Variants in SYTL3 observed in about 807,000 individuals in gnomAD.
SYTL3 encodes synaptotagmin like 3, also known as synaptotagmin-like protein 3.
In SYTL3, 88 loss-of-function variants were observed where a neutral mutation model predicts 82.1. The ratio of observed to expected loss-of-function variants is 1.07; its 90% CI spans 0.90 to 1.28. The LOEUF (loss-of-function observed/expected upper bound fraction) is 1.28, where lower values mean the gene tolerates loss of function less well. SYTL3 is among the 50% of genes most tolerant of loss of function. The pLI, the probability that SYTL3 is intolerant of heterozygous loss-of-function variation, is 0.00. For missense variants in SYTL3, 831 were observed against 757.6 expected, an observed-to-expected ratio of 1.10 and a Z score of -1.14; for synonymous variants, 311 against 289.4, an observed-to-expected ratio of 1.07 and a Z score of -0.76.
chr6:158,668,737 A>G (rs1328000980), intron 5 of SYTL3, among the ~76,000 whole-genome samples: 1 of 152,154 alleles, frequency 6.6e-6, no homozygotes, highest in Non-Finnish European at 1.5e-5. Context: ...GCTGGTGGCA[A>G]TAGTGATGGA....
At chr6:158,726,502 C>T in intron 11 of SYTL3, 1 of 182,764 alleles carries the variant, frequency 5.5e-6, no homozygotes, top group Non-Finnish European at 1.2e-5. Context: ...ATTGATAATT[C>T]TGGTGTTTCC....
At chr6:158,660,500 A>G (rs1789259481) in intron 2 of SYTL3, among the ~76,000 whole-genome samples, 1 of 152,210 alleles carries the variant, frequency 6.6e-6, no homozygotes, top group African/African-American at 2.4e-5. Context: ...TTGGGAAAGT[A>G]AGTGTAGTGC....
chr6:158,665,858 C>T (rs1423061489), intron 5 of SYTL3, among the ~76,000 whole-genome samples: 2 of 152,074 alleles, frequency 1.3e-5, no homozygotes, highest in African/African-American at 4.8e-5. Context: ...GACCGTAATC[C>T]TAGCATTTTG....
At chr6:158,645,647 AC>A (rs1787392058), upstream of SYTL3, among the ~76,000 whole-genome samples, 1 of 152,088 alleles carries the variant, frequency 6.6e-6, no homozygotes, top group South Asian at 2.1e-4. Context: ...TATGCTCGGG[AC>A]CCCAGTTAAA....
At chr6:158,757,454 A>G (rs755591728) in intron 14 of SYTL3, 73 bp downstream of exon 14, 16 of 1,519,326 alleles carry the variant, frequency 1.1e-5, no homozygotes, top group Admixed American at 7.4e-5. Flanking sequence ...GAGAGATCCC[A>G]GAAGAGAAAA....
chr6:158,760,787 T>C, intron 15 of SYTL3, 42 bp downstream of exon 15: 3 of 1,491,160 alleles, frequency 2.0e-6, no homozygotes, highest in Non-Finnish European at 2.8e-6. Context: ...TGTGTCATTG[T>C]CTGCAGAGCC....
chr6:158,680,374 C>G (rs1778523917), intron 5 of SYTL3, among the ~76,000 whole-genome samples: 1 of 152,120 alleles, frequency 6.6e-6, no homozygotes, highest in African/African-American at 2.4e-5. Flanking sequence ...TTTTCCCTGT[C>G]TTTGTAGAGA....
chr6:158,685,598 C>G (rs976853290), intron 6 of SYTL3, among the ~76,000 whole-genome samples: 1 of 152,068 alleles, frequency 6.6e-6, no homozygotes, highest in Admixed American at 6.5e-5. Context: ...GTGGGCAGAT[C>G]ATCTGAGATT....
At chr6:158,718,332 T>A in intron 10 of SYTL3, 121 bp downstream of exon 10, 2 of 1,189,976 alleles carry the variant, frequency 1.7e-6, no homozygotes, top group Non-Finnish European at 2.2e-6. Context: ...CAGTAAGCCA[T>A]CAGAAAAACA....
At chr6:158,692,240 A>AT in intron 6 of SYTL3, among the ~76,000 whole-genome samples, 1 of 120,960 alleles carries the variant, frequency 8.3e-6, no homozygotes, top group Middle Eastern at 4.7e-3. Flanking sequence ...CCTGGGCGAC[A>AT]GAGCGAGACT....
chr6:158,734,627 C>T (rs529655524), intron 11 of SYTL3, among the ~76,000 whole-genome samples: 1 of 152,136 alleles, frequency 6.6e-6, no homozygotes, highest in South Asian at 2.1e-4. Context: ...GCCACCTTCT[C>T]AGGGAGCTCC....
intron 6 of SYTL3, among the ~76,000 whole-genome samples, chr6:158,690,740 C>T: frequency 6.6e-6 from 1 of 151,974 alleles, no homozygotes. Context: ...CCTAAAATTT[C>T]ATAACTGGAT....
At chr6:158,700,237 CAA>C (rs1330935693) in intron 6 of SYTL3, among the ~76,000 whole-genome samples, 1 of 152,090 alleles carries the variant, frequency 6.6e-6, no homozygotes, top group East Asian at 1.9e-4. Flanking sequence ...GCCTGGGCAA[CAA>C]GAGCGAAACT....
intron 6 of SYTL3, 23 bp from the exon 7 acceptor site, chr6:158,707,207 C>G (rs750153707): frequency 1.2e-6 from 2 of 1,612,590 alleles, no homozygotes; most frequent in African/African-American, 1.3e-5. Flanking sequence ...ATAATAAACG[C>G]CCTCTATGGA....
intron 9 of SYTL3, among the ~76,000 whole-genome samples, chr6:158,714,818 A>G (rs934518961): frequency 3.9e-5 from 6 of 152,170 alleles, no homozygotes; most frequent in Non-Finnish European, 8.8e-5. Flanking sequence ...TGGCTCTGAG[A>G]CAGTCTCTTT....
At chr6:158,738,062 G>A (rs2128500361) in intron 11 of SYTL3, among the ~76,000 whole-genome samples, 1 of 152,286 alleles carries the variant, frequency 6.6e-6, no homozygotes, top group South Asian at 2.1e-4. Flanking sequence ...AAGCGCAGCT[G>A]TGCCCTTTCT....
At chr6:158,708,729 T>C (rs867435681) in intron 8 of SYTL3, among the ~76,000 whole-genome samples, 20 of 151,092 alleles carry the variant, frequency 1.3e-4, no homozygotes, top group South Asian at 2.1e-4. Flanking sequence ...GGAAATAAGA[T>C]TGGTTAACGT....
At position 158,753,921 on chromosome 6, in the gene SYTL3, A is replaced by T. The variant is rs1164772468; in HGVS notation, c.1137+1891A>T. 1.7e-4 allele frequency among the ~76,000 whole-genome samples: 26 copies of T among 151,970 alleles called. 1 individual carries two copies. The East Asian group carries it at 1.7e-3, about 10-fold the overall frequency. On this transcript the variant is annotated intron_variant, in intron 13 of 17. Transcript: ENST00000611299. ...TAATCGGCATCTCTAATTGATCCTA[A>T]ATGCAAAATAACCCAACACCGGCCA...
At position 158,761,959 on chromosome 6, in the gene SYTL3, C is replaced by T. The variant is rs1049351198; in HGVS notation, c.1415-117C>T. On this transcript the variant is annotated intron_variant, in intron 15 of 17. Coordinates refer to ENST00000611299, the MANE Select transcript of SYTL3 (RefSeq NM_001242394.2). ...ACTGCACCACTCCCATCTGCTCTCT[C>T]GGGGTCTGAGGGCTGTAGCAGATTC... The T allele has an allele frequency of 1.0e-5, 7 of 693,874 alleles. No homozygotes were observed. The Admixed American group carries it at 1.1e-4, about 10-fold the overall frequency. 43.0% of individuals were successfully genotyped at this position (693,874 alleles called of 1,614,324 possible). A position where few individuals can be genotyped will look rare whatever the true frequency, so the allele number is the denominator to read the frequency against.
Sources: allele counts gnomAD v4.1 joint callset (sites outside exome capture counted in the v4.1 genomes callset), GRCh38; gene constraint gnomAD v4.1.1; transcripts MANE v1.5; gene names NCBI Gene and HGNC (gene_info 2026-07-23, HGNC 2026-07-21).